Variants in NARS2 observed in about 807,000 individuals in gnomAD.
The protein encoded by NARS2 is asparaginyl-tRNA synthetase 2, mitochondrial.
NARS2 carries 60 observed loss-of-function variants against 62.9 expected under a neutral mutation model. The ratio of observed to expected loss-of-function variants is 0.95; its 90% CI spans 0.77 to 1.18. The LOEUF is 1.18. Among genes scored for constraint, NARS2 ranks in the 50% most tolerant of loss-of-function variants. NARS2 has a pLI of 0.00. For synonymous variants in NARS2, 196 were observed against 200.0 expected (o/e 0.98, Z 0.17); for missense variants, 619 against 576.4 (o/e 1.07, Z -0.76).
At chr11:78,554,778 G>A (rs1007716396) in intron 5 of NARS2, among the ~76,000 whole-genome samples, 1 of 152,150 alleles carries the variant, frequency 6.6e-6, no homozygotes, top group Non-Finnish European at 1.5e-5. Context: ...TTGCCTGACT[G>A]CTGTGGCTAG....
chr11:78,446,093 G>A (rs1434475849), intron 11 of NARS2, among the ~76,000 whole-genome samples: 2 of 152,106 alleles, frequency 1.3e-5, no homozygotes, highest in African/African-American at 4.8e-5. Flanking sequence ...TGAAAAATGA[G>A]AAATCCATAA....
intron 5 of NARS2, among the ~76,000 whole-genome samples, chr11:78,534,710 T>C (rs1861607431): frequency 6.6e-6 from 1 of 152,228 alleles, no homozygotes; most frequent in Admixed American, 6.5e-5. Flanking sequence ...CTCTTATTAC[T>C]GGATCCTGCA....
chr11:78,535,505 CTTAT>C (rs1382321756), intron 5 of NARS2, among the ~76,000 whole-genome samples: 9 of 149,438 alleles, frequency 6.0e-5, no homozygotes, highest in African/African-American at 2.3e-4. Flanking sequence ...TCTCACACTT[CTTAT>C]TTATTTTTGT....
intron 13 of NARS2, among the ~76,000 whole-genome samples, chr11:78,439,476 G>A (rs1250017141): frequency 6.6e-6 from 1 of 152,026 alleles, no homozygotes; most frequent in African/African-American, 2.4e-5. Context: ...AAAGAAAGGG[G>A]GTAGGAAACT....
intron 5 of NARS2, among the ~76,000 whole-genome samples, chr11:78,553,695 A>C (rs1856217154): frequency 6.6e-6 from 1 of 152,290 alleles, no homozygotes; most frequent in East Asian, 1.9e-4. Flanking sequence ...ATTTTCTTCC[A>C]TTCTGTAGGC....
intron 5 of NARS2, among the ~76,000 whole-genome samples, chr11:78,531,379 C>T (rs1300853649): frequency 1.3e-5 from 2 of 152,016 alleles, no homozygotes; most frequent in African/African-American, 4.8e-5. Flanking sequence ...AAGGTATCTT[C>T]TTTGATAACT....
At chr11:78,459,753 A>G (rs1327267666) in intron 11 of NARS2, among the ~76,000 whole-genome samples, 1 of 152,244 alleles carries the variant, frequency 6.6e-6, no homozygotes, top group Non-Finnish European at 1.5e-5. Context: ...CAGCAGCATG[A>G]AAATGGACTA....
intron 11 of NARS2, 57 bp from the exon 12 acceptor site, chr11:78,443,815 T>C (rs1857657793): frequency 7.7e-7 from 1 of 1,305,578 alleles, no homozygotes; most frequent in African/African-American, 1.5e-5. Context: ...CAACAGTCAG[T>C]TTCTGAAGCA....
intron 7 of NARS2, among the ~76,000 whole-genome samples, chr11:78,485,873 A>AT (rs1172092173): frequency 6.6e-6 from 1 of 151,992 alleles, no homozygotes; most frequent in Admixed American, 6.6e-5. Context: ...AATCTCTATT[A>AT]TTATTACTAC....
At chr11:78,550,123 A>G (rs1349908836) in intron 5 of NARS2, among the ~76,000 whole-genome samples, 1 of 152,184 alleles carries the variant, frequency 6.6e-6, no homozygotes, top group Non-Finnish European at 1.5e-5. Flanking sequence ...CCATACCATC[A>G]AACTGAAACT....
intron 9 of NARS2, among the ~76,000 whole-genome samples, chr11:78,472,048 TTTCA>T (rs1406497272): frequency 6.6e-6 from 1 of 152,170 alleles, no homozygotes; most frequent in Non-Finnish European, 1.5e-5. Flanking sequence ...TATGTTACTG[TTTCA>T]TTATTAAGAA....
intron 7 of NARS2, among the ~76,000 whole-genome samples, chr11:78,484,118 T>C (rs1368619484): frequency 2.6e-5 from 4 of 152,004 alleles, no homozygotes; most frequent in African/African-American, 9.7e-5. Context: ...TTGACAAACC[T>C]GACAAAAACA....
intron 6 of NARS2, among the ~76,000 whole-genome samples, chr11:78,510,693 TA>T (rs1436443227): frequency 6.6e-6 from 1 of 152,220 alleles, no homozygotes; most frequent in Admixed American, 6.5e-5. Context: ...ATATATTCAT[TA>T]AAAATGTGTG....
Position 78,566,129 on chromosome 11 carries a change from T to C in NARS2, c.513+3A>G. On this transcript the variant is annotated splice_donor_region_variant and intron_variant, in intron 4 of 13. Coordinates refer to ENST00000281038, the MANE Select transcript of NARS2 (RefSeq NM_024678.6). Reference sequence around the variant, plus strand: ...GGTCAAGAGGGAACTTTTAGGATCTTACCTTAAAGAAAGAATGAATAGCAG... The same window carrying C: ...GGTCAAGAGGGAACTTTTAGGATCTCACCTTAAAGAAAGAATGAATAGCAG... 6.2e-7 allele frequency: 1 copy of C among 1,600,578 alleles called. No individual in the cohort carries two copies. The highest frequency in any genetic ancestry group is 1.1e-5 in the South Asian group (1 of 88,474).
At chr11:78,538,585 C>T (rs1338248257) in intron 5 of NARS2, among the ~76,000 whole-genome samples, 1 of 152,114 alleles carries the variant, frequency 6.6e-6, no homozygotes, top group Non-Finnish European at 1.5e-5. Context: ...GGGAAAAATA[C>T]TCCAGGCACA....
At chr11:78,469,586 C>T (rs2135228314) in intron 9 of NARS2, among the ~76,000 whole-genome samples, 1 of 152,292 alleles carries the variant, frequency 6.6e-6, no homozygotes, top group East Asian at 1.9e-4. Context: ...TATGCCAATG[C>T]CCTATTAAAA....
At chr11:78,467,074 C>T (rs1336777449) in intron 10 of NARS2, among the ~76,000 whole-genome samples, 1 of 152,088 alleles carries the variant, frequency 6.6e-6, no homozygotes, top group Non-Finnish European at 1.5e-5. Context: ...GGGATTGAAC[C>T]GGTACAAGGA....
At chr11:78,490,635 C>T (rs1011118062) in intron 7 of NARS2, among the ~76,000 whole-genome samples, 3 of 152,000 alleles carry the variant, frequency 2.0e-5, no homozygotes, top group Non-Finnish European at 2.9e-5. Context: ...TGGGCAACCC[C>T]GTTTCTACCA....
chr11:78,544,269 T>C (rs191358870), intron 5 of NARS2, among the ~76,000 whole-genome samples: 26 of 152,296 alleles, frequency 1.7e-4, no homozygotes, highest in African/African-American at 6.3e-4. Flanking sequence ...ACAGCCAATA[T>C]TCTTATAATG....
Sources: gnomAD v4.1 joint callset for allele counts (sites outside exome capture counted in the v4.1 genomes callset) on GRCh38, gnomAD v4.1.1 for gene constraint, MANE v1.5 for transcripts, NCBI Gene and HGNC (gene_info 2026-07-23, HGNC 2026-07-21) for gene names.